The following NFATC3 variants were observed in gnomAD, a reference collection of about 807,000 sequenced individuals.
NFATC3 encodes nuclear factor of activated T-cells, cytoplasmic 3.
A neutral mutation model predicts 98.6 loss-of-function variants in NFATC3; 46 were observed. The observed-to-expected ratio is 0.47, with a 90% CI of 0.37 to 0.60. The LOEUF (loss-of-function observed/expected upper bound fraction) is 0.60, where lower values mean the gene tolerates loss of function less well. Among genes scored for constraint, NFATC3 ranks in the 20% least tolerant of loss-of-function variants. The pLI is 0.00. For missense variants in NFATC3, 1,256 were observed against 1,295.5 expected, an observed-to-expected ratio of 0.97 and a Z score of 0.47; for synonymous variants, 512 against 472.2, an observed-to-expected ratio of 1.08 and a Z score of -1.09.
In NFATC3 at chr16:68,224,522, G is replaced by A. The variant is rs997888250; in HGVS notation, c.3107-1828G>A. On this transcript the variant is annotated intron_variant, in intron 9 of 9. Coordinates refer to ENST00000346183, the MANE Select transcript of NFATC3 (RefSeq NM_173165.3). ...GAACTCCTGACCTTGTGATCCACCC[G>A]CCTTGGCCTCCCAGAGTGCTGGGTT... Among the ~76,000 whole-genome samples the A allele has an allele frequency of 6.0e-5, 9 of 149,768 alleles. No homozygotes were observed. In the East Asian group the frequency reaches 1.4e-3, roughly 23 times the overall value.
chr16:68,211,394 G>A (rs1317245393), intron 9 of NFATC3, among the ~76,000 whole-genome samples: 1 of 151,872 alleles, frequency 6.6e-6, no homozygotes, highest in Non-Finnish European at 1.5e-5. Context: ...CACCATGTTG[G>A]CCAGGATGGT....
rs371730603 is a variant in NFATC3, at chr16:68,211,802, A to G, written c.3107-14548A>G. ...CTCCCAAAGTGCTGGGATTACAGGC[A>G]TGAGGCACCGTGCCCGGCACACTTT... On this transcript the variant is annotated intron_variant, in intron 9 of 9. Transcript: ENST00000346183. 1.1e-4 allele frequency among the ~76,000 whole-genome samples: 16 copies of G among 152,046 alleles called. No individual in the cohort carries two copies. The South Asian group carries it at 3.3e-3, about 32-fold the overall frequency.
chr16:68,118,681 T>C (rs1381815545), intron 1 of NFATC3, among the ~76,000 whole-genome samples: 1 of 152,196 alleles, frequency 6.6e-6, no homozygotes, highest in Non-Finnish European at 1.5e-5. Flanking sequence ...ATTCCCACAT[T>C]TACATAGCTA....
At chr16:68,177,179 C>T (rs997502285) in intron 6 of NFATC3, among the ~76,000 whole-genome samples, 1 of 151,990 alleles carries the variant, frequency 6.6e-6, no homozygotes, top group East Asian at 1.9e-4. Flanking sequence ...TCCCAAATAG[C>T]TGGGATTACA....
In NFATC3 at chr16:68,190,809, T is replaced by G; in HGVS notation, c.2140T>G (p.Ser714Ala). Reference protein sequence around the residue: ...QEHREEIDLSSVPSLPVPHPA... With the variant: ...QEHREEIDLSAVPSLPVPHPA... ...ACACAGAGAAGAGATTGATTTGTCT[T>G]CAGTTCCATCTTTGCCTGTGCCTCA... Residue 714 changes from serine to alanine, a missense_variant, in exon 9 of 10, where the codon TCA (serine) becomes GCA (alanine). Transcript: ENST00000346183. 1.9e-6 allele frequency: 3 copies of G among 1,612,632 alleles called. No individual in the cohort carries two copies. The highest frequency in any genetic ancestry group is 2.5e-6 in the Non-Finnish European group (3 of 1,178,998).
At chr16:68,128,978 C>A (rs929547371) in intron 3 of NFATC3, among the ~76,000 whole-genome samples, 5 of 152,002 alleles carry the variant, frequency 3.3e-5, no homozygotes, top group African/African-American at 9.7e-5. Flanking sequence ...CCCTTGTAGT[C>A]CCAGCTACTC....
At chr16:68,165,379 T>G (rs1432724840) in intron 4 of NFATC3, among the ~76,000 whole-genome samples, 1 of 151,358 alleles carries the variant, frequency 6.6e-6, no homozygotes, top group Non-Finnish European at 1.5e-5. Context: ...GTTGTCTTTT[T>G]TTTTTTCTTT....
chr16:68,115,542 A>G (rs1323607282), intron 1 of NFATC3, among the ~76,000 whole-genome samples: 1 of 151,944 alleles, frequency 6.6e-6, no homozygotes, highest in African/African-American at 2.4e-5. Flanking sequence ...CCCCTGCCCC[A>G]GCCTCCCAAG....
intron 4 of NFATC3, among the ~76,000 whole-genome samples, chr16:68,159,863 A>C (rs1272528873): frequency 6.6e-6 from 1 of 151,884 alleles, no homozygotes; most frequent in East Asian, 2.0e-4. Flanking sequence ...GGATTACCTG[A>C]GACCAGGAGT....
At chr16:68,219,307 C>T (rs1036464465) in intron 9 of NFATC3, among the ~76,000 whole-genome samples, 2 of 152,098 alleles carry the variant, frequency 1.3e-5, no homozygotes, top group Admixed American at 6.5e-5. Context: ...TGCTTGAACC[C>T]GGGAGGCGGA....
chr16:68,101,792 C>A (rs2035380591), intron 1 of NFATC3, among the ~76,000 whole-genome samples: 1 of 152,050 alleles, frequency 6.6e-6, no homozygotes, highest in African/African-American at 2.4e-5. Flanking sequence ...CCCAAAGTAT[C>A]TTTTAGGTGC....
At chr16:68,156,318 A>AAACAAC (rs540086473) in intron 3 of NFATC3, among the ~76,000 whole-genome samples, 1 of 118,468 alleles carries the variant, frequency 8.4e-6, no homozygotes, top group Admixed American at 8.7e-5. Flanking sequence ...TTCGTCTCAA[A>AAACAAC]AACAACAACA....
intron 9 of NFATC3, among the ~76,000 whole-genome samples, chr16:68,204,198 A>AG (rs1263537471): frequency 6.6e-6 from 1 of 151,774 alleles, no homozygotes; most frequent in Non-Finnish European, 1.5e-5. Flanking sequence ...CAAAAAAAAA[A>AG]GAAAATAGTG....
intron 6 of NFATC3, among the ~76,000 whole-genome samples, chr16:68,178,462 A>G (rs1319213305): frequency 6.6e-6 from 1 of 152,224 alleles, no homozygotes; most frequent in African/African-American, 2.4e-5. Context: ...GCTATGTGAT[A>G]TAGACACTAG....
intron 7 of NFATC3, among the ~76,000 whole-genome samples, chr16:68,182,692 T>C (rs2040000672): frequency 1.3e-5 from 2 of 151,996 alleles, no homozygotes; most frequent in African/African-American, 4.8e-5. Flanking sequence ...GGCTAATTTG[T>C]ATTTTTAGTA....
At chr16:68,131,477 C>CAA (rs1356885429) in intron 3 of NFATC3, among the ~76,000 whole-genome samples, 2 of 152,006 alleles carry the variant, frequency 1.3e-5, no homozygotes, top group Non-Finnish European at 2.9e-5. Flanking sequence ...AGGGTTTTAC[C>CAA]ATGTTGTCCA....
intron 4 of NFATC3, among the ~76,000 whole-genome samples, chr16:68,166,600 A>G (rs1315529372): frequency 6.6e-6 from 1 of 152,236 alleles, no homozygotes; most frequent in Non-Finnish European, 1.5e-5. Context: ...GCATGCAAGT[A>G]CTGGAATGAA....
intron 1 of NFATC3, among the ~76,000 whole-genome samples, chr16:68,118,771 A>T (rs1259058325): frequency 1.3e-5 from 2 of 152,184 alleles, no homozygotes; most frequent in African/African-American, 4.8e-5. Context: ...AATATGTACA[A>T]AGTAGAAGTT....
At chr16:68,211,172 A>G (rs2041372455) in intron 9 of NFATC3, among the ~76,000 whole-genome samples, 1 of 151,838 alleles carries the variant, frequency 6.6e-6, no homozygotes, top group African/African-American at 2.4e-5. Flanking sequence ...AAGAGTTTCA[A>G]AAGAATCGAA....
Sources: allele counts gnomAD v4.1 joint callset (sites outside exome capture counted in the v4.1 genomes callset), GRCh38; gene constraint gnomAD v4.1.1; transcripts MANE v1.5; gene names NCBI Gene and HGNC (gene_info 2026-07-23, HGNC 2026-07-21).